The following VEPH1 variants were observed in gnomAD, a reference collection of about 807,000 sequenced individuals.
VEPH1 encodes ventricular zone-expressed PH domain-containing protein homolog 1.
VEPH1 carries 80 observed loss-of-function variants against 85.2 expected under a neutral mutation model. The observed-to-expected ratio is 0.94, with a 90% confidence interval of 0.78 to 1.13. VEPH1 has a LOEUF of 1.13. VEPH1 is among the 50% of genes most tolerant of loss of function. The pLI is 0.00. For missense variants in VEPH1, 955 were observed against 980.5 expected, an observed-to-expected ratio of 0.97 and a Z score of 0.35; for synonymous variants, 297 against 348.0, an observed-to-expected ratio of 0.85 and a Z score of 1.63.
chr3:157,470,562 T>TA (rs1210182898), intron 2 of VEPH1, 33 bp from the exon 3 acceptor site: 1 of 1,599,956 alleles, frequency 6.3e-7, no homozygotes, highest in East Asian at 2.2e-5. Flanking sequence ...TGTTAAATAA[T>TA]ACTCTAGAAA....
At chr3:157,409,284 T>C (rs1234865690) in intron 6 of VEPH1, among the ~76,000 whole-genome samples, 2 of 152,148 alleles carry the variant, frequency 1.3e-5, no homozygotes. Context: ...TTTGGACATA[T>C]TTAATCAAAT....
intron 7 of VEPH1, among the ~76,000 whole-genome samples, chr3:157,376,762 T>C (rs767743959): frequency 6.6e-6 from 1 of 152,232 alleles, no homozygotes; most frequent in Non-Finnish European, 1.5e-5. Flanking sequence ...AGGATGCTAA[T>C]TGTTTTTCTT....
intron 12 of VEPH1, among the ~76,000 whole-genome samples, chr3:157,279,498 G>A (rs1384356188): frequency 6.6e-6 from 1 of 152,098 alleles, no homozygotes; most frequent in African/African-American, 2.4e-5. Flanking sequence ...GCTTTAAAGG[G>A]GAAGTGAGAG....
chr3:157,396,073 G>A (rs1164620795), intron 6 of VEPH1, among the ~76,000 whole-genome samples: 8 of 152,074 alleles, frequency 5.3e-5, no homozygotes, highest in Admixed American at 5.2e-4. Flanking sequence ...TATTCTTTCT[G>A]ATGCTCTCTC....
At chr3:157,466,016 G>A (rs943758880) in intron 3 of VEPH1, among the ~76,000 whole-genome samples, 2 of 152,170 alleles carry the variant, frequency 1.3e-5, no homozygotes, top group African/African-American at 2.4e-5. Context: ...CCAGGCATTG[G>A]CTGCCAGGCT....
chr3:157,340,692 G>A (rs571337197), intron 9 of VEPH1, among the ~76,000 whole-genome samples: 220 of 152,264 alleles, frequency 1.4e-3, no homozygotes, highest in African/African-American at 4.8e-3. Context: ...CTCCCAGCAC[G>A]GAGTTTGAGA....
chr3:157,308,415 T>C (rs995199691), intron 11 of VEPH1, among the ~76,000 whole-genome samples: 1 of 152,050 alleles, frequency 6.6e-6, no homozygotes, highest in African/African-American at 2.4e-5. Context: ...AGCTAAACAA[T>C]TGTATATATA....
At chr3:157,314,330 C>CAAAAAAAAAAAAAAAAAAAAAA (rs34703314) in intron 10 of VEPH1, among the ~76,000 whole-genome samples, 10 of 43,176 alleles carry the variant, frequency 2.3e-4, no homozygotes, top group Middle Eastern at 0.017. Context: ...GAGGATCCGT[C>CAAAAAAAAAAAAAAAAAAAAAA]AAAAAAAAAA....
intron 3 of VEPH1, among the ~76,000 whole-genome samples, chr3:157,467,448 C>T (rs11924914): frequency 0.038 from 5,794 of 152,086 alleles, 370 homozygotes; most frequent in African/African-American, 0.13. Context: ...GATTTCTACA[C>T]GTTCCCCACA....
chr3:157,448,337 T>C (rs1425802628), intron 4 of VEPH1, among the ~76,000 whole-genome samples: 1 of 152,216 alleles, frequency 6.6e-6, no homozygotes, highest in African/African-American at 2.4e-5. Flanking sequence ...TGAAGTCGTT[T>C]TGTGACTTGT....
At chr3:157,400,833 T>C (rs779678391) in intron 6 of VEPH1, among the ~76,000 whole-genome samples, 1 of 152,168 alleles carries the variant, frequency 6.6e-6, no homozygotes, top group Non-Finnish European at 1.5e-5. Flanking sequence ...ATTTAGAGGT[T>C]CTATAGTTTG....
At chr3:157,498,913 C>T (rs1295052846) in intron 1 of VEPH1, among the ~76,000 whole-genome samples, 1 of 152,212 alleles carries the variant, frequency 6.6e-6, no homozygotes, top group East Asian at 1.9e-4. Flanking sequence ...ATACCATATA[C>T]ACACATGCAC....
intron 12 of VEPH1, among the ~76,000 whole-genome samples, chr3:157,282,165 TC>T (rs1716215748): frequency 2.0e-5 from 3 of 152,172 alleles, no homozygotes; most frequent in Non-Finnish European, 2.9e-5. Flanking sequence ...AATAGCACAT[TC>T]TTTTTTTATT....
chr3:157,413,856 A>C lies in VEPH1; in HGVS notation c.906+25T>G, dbSNP rs978000842. The C allele has an allele frequency of 2.5e-6, 4 of 1,609,292 alleles. No homozygotes were observed. The African/African-American group carries it at 4.0e-5, about 16-fold the overall frequency. ...TTAAGTGCCAGTGCAATTCAGGGGA[A>C]TGGAGAGAAAAAAGCCAAACTTACT... On this transcript the variant is annotated intron_variant, in intron 6 of 13. Coordinates refer to ENST00000362010, the MANE Select transcript of VEPH1 (RefSeq NM_001167912.2).
chr3:157,435,136 T>C (rs1299116777), intron 4 of VEPH1, among the ~76,000 whole-genome samples: 1 of 152,190 alleles, frequency 6.6e-6, no homozygotes, highest in East Asian at 1.9e-4. Context: ...TTTTTCTTTT[T>C]GACAATGTCT....
At chr3:157,488,719 C>T (rs1344633522) in intron 2 of VEPH1, among the ~76,000 whole-genome samples, 1 of 151,928 alleles carries the variant, frequency 6.6e-6, no homozygotes. Context: ...CTCATACATA[C>T]AATACTTGCA....
intron 12 of VEPH1, among the ~76,000 whole-genome samples, chr3:157,275,631 C>T (rs1002933956): frequency 6.6e-6 from 1 of 151,980 alleles, no homozygotes; most frequent in Admixed American, 6.6e-5. Flanking sequence ...AGATATATAT[C>T]AATATATAGA....
chr3:157,473,256 T>C (rs1400885871), intron 2 of VEPH1, among the ~76,000 whole-genome samples: 1 of 151,804 alleles, frequency 6.6e-6, no homozygotes, highest in Non-Finnish European at 1.5e-5. Flanking sequence ...GGATTTTTAG[T>C]AGAGACAGGG....
At chr3:157,323,814 T>G (rs1302593538) in intron 9 of VEPH1, among the ~76,000 whole-genome samples, 1 of 152,086 alleles carries the variant, frequency 6.6e-6, no homozygotes. Context: ...AAATAAAAAT[T>G]TTGTATTGTT....
Sources: gnomAD v4.1 joint callset for allele counts (sites outside exome capture counted in the v4.1 genomes callset) on GRCh38, gnomAD v4.1.1 for gene constraint, MANE v1.5 for transcripts, NCBI Gene and HGNC (gene_info 2026-07-23, HGNC 2026-07-21) for gene names.